Variants in DCLK2 observed in about 807,000 individuals in gnomAD.
The protein encoded by DCLK2 is serine/threonine-protein kinase DCLK2.
In DCLK2, 31 loss-of-function variants were observed where a neutral mutation model predicts 78.4. That is an observed-to-expected ratio of 0.40 (90% CI 0.30 to 0.53). The LOEUF is 0.53. Ranked by LOEUF, DCLK2 falls within the 20% of genes least tolerant of loss-of-function variation. DCLK2 has a pLI of 0.61. For synonymous variants in DCLK2, 407 were observed against 374.9 expected, an observed-to-expected ratio of 1.09 and a Z score of -0.99; for missense variants, 872 against 973.7, an observed-to-expected ratio of 0.90 and a Z score of 1.39.
intron 2 of DCLK2, among the ~76,000 whole-genome samples, chr4:150,151,760 A>G (rs1734911722): frequency 6.6e-6 from 1 of 152,094 alleles, no homozygotes; most frequent in Admixed American, 6.5e-5. Context: ...CCCCGTCTCT[A>G]CTAAAAATAC....
At chr4:150,250,192 A>G (rs752527290) in intron 15 of DCLK2, among the ~76,000 whole-genome samples, 32 of 152,192 alleles carry the variant, frequency 2.1e-4, no homozygotes, top group African/African-American at 7.5e-4. Flanking sequence ...GGAAAAAAAT[A>G]TATATTCATT....
At chr4:150,255,335 C>T (rs1166801394) in intron 15 of DCLK2, among the ~76,000 whole-genome samples, 6 of 152,204 alleles carry the variant, frequency 3.9e-5, no homozygotes, top group Admixed American at 1.3e-4. Flanking sequence ...AAAGCAGGAC[C>T]GGGGTCCCTT....
At chr4:150,121,237 A>G (rs1185428325) in intron 2 of DCLK2, among the ~76,000 whole-genome samples, 2 of 73,688 alleles carry the variant, frequency 2.7e-5, no homozygotes, top group African/African-American at 1.5e-4. Context: ...GTGATATGCT[A>G]TTTGATAGCA....
chr4:150,253,468 T>C (rs1290586612), intron 15 of DCLK2: 1 of 1,289,672 alleles, frequency 7.8e-7, no homozygotes, highest in Admixed American at 2.3e-5. Flanking sequence ...GCATTTTGTT[T>C]GACAGTTTGA....
At chr4:150,205,899 G>C (rs1347788196) in intron 5 of DCLK2, among the ~76,000 whole-genome samples, 2 of 152,172 alleles carry the variant, frequency 1.3e-5, no homozygotes, top group African/African-American at 4.8e-5. Context: ...CCCAGGTGGG[G>C]CTGAGATCCT....
At position 150,079,418 on chromosome 4, in the gene DCLK2, A is replaced by C; in HGVS notation, c.391A>C (p.Lys131Gln). 2 of 1,554,430 alleles carry C rather than the reference A, an allele frequency of 1.3e-6. No individual in the cohort carries two copies. Among genetic ancestry groups the C allele is most frequent in the Non-Finnish European group, 1.7e-6 (2 of 1,145,212 alleles). ...RTIYTIDGSR[K>Q]VTSLDELLEG... ...TATCTACACCATCGACGGCAGCCGG[A>C]AGGTCACCAGCCTGGACGAGCTGCT... is the stretch of plus-strand genomic sequence containing the variant. Residue 131 changes from lysine (K) to glutamine (Q), a missense_variant, in exon 1 of 16, where the codon AAG (lysine) becomes CAG (glutamine). Physicochemically the swap from Lys to Gln is moderately conservative, Grantham distance 53. Coordinates refer to ENST00000296550, the MANE Select transcript of DCLK2 (RefSeq NM_001040260.4).
At chr4:150,214,713 G>A (rs1740552220) in intron 5 of DCLK2, among the ~76,000 whole-genome samples, 2 of 152,150 alleles carry the variant, frequency 1.3e-5, no homozygotes, top group African/African-American at 4.8e-5. Context: ...TGTAAACTCA[G>A]CACTTTGGGA....
chr4:150,190,798 G>T (rs184833913), intron 2 of DCLK2, among the ~76,000 whole-genome samples: 6 of 152,098 alleles, frequency 3.9e-5, no homozygotes, highest in African/African-American at 1.4e-4. Context: ...TGTGGTCTGC[G>T]AATTACAGCT....
At position 150,232,407 on chromosome 4, in the gene DCLK2, A is replaced by G. The variant is rs775948934; in HGVS notation, c.1370A>G (p.Glu457Gly). ...CATCCCAATATCATTATGCTGGTCG[A>G]GGAGATGGAAACAGCAACTGAGCTC... ...VKHPNIIMLV[E>G]EMETATELFL... The change falls in exon 9 of 16, where the codon GAG becomes GGG. Residue 457 changes from glutamate (E) to glycine (G), a missense_variant. Glu to Gly is a moderately conservative substitution (Grantham distance 98). This residue lies in a region of DCLK2 where 567 missense variants were observed against 593.4 expected (regional missense o/e 0.96). Transcript: ENST00000296550. 6.2e-7 allele frequency: 1 copy of G among 1,614,160 alleles called. No homozygotes were observed. The highest frequency in any genetic ancestry group is 8.5e-7 in the Non-Finnish European group (1 of 1,179,996).
intron 5 of DCLK2, among the ~76,000 whole-genome samples, chr4:150,211,112 C>G (rs1345147836): frequency 6.6e-6 from 1 of 152,168 alleles, no homozygotes; most frequent in East Asian, 1.9e-4. Flanking sequence ...AGGTTGCAGT[C>G]AAGACGCGTC....
At chr4:150,103,044 A>G (rs1043776256) in intron 2 of DCLK2, among the ~76,000 whole-genome samples, 2 of 152,192 alleles carry the variant, frequency 1.3e-5, no homozygotes, top group East Asian at 1.9e-4. Context: ...AGAGAAGTCT[A>G]TCATATACTT....
At chr4:150,224,602 C>T in intron 8 of DCLK2, 44 bp downstream of exon 8, 4 of 1,538,966 alleles carry the variant, frequency 2.6e-6, no homozygotes, top group Non-Finnish European at 3.5e-6. Context: ...ACTAGAGTAA[C>T]TTGGTGAGGT....
chr4:150,131,571 A>G (rs1331562897), intron 2 of DCLK2, among the ~76,000 whole-genome samples: 2 of 152,162 alleles, frequency 1.3e-5, no homozygotes, highest in Non-Finnish European at 2.9e-5. Context: ...ATCTTGTAAG[A>G]AAATAATTGG....
chr4:150,254,946 G>T (rs1046303165), intron 15 of DCLK2, among the ~76,000 whole-genome samples: 4 of 152,142 alleles, frequency 2.6e-5, no homozygotes, highest in African/African-American at 7.2e-5. Flanking sequence ...CGGAAGTGCT[G>T]GGATTACAGG....
chr4:150,092,782 T>C (rs972272338), intron 1 of DCLK2, among the ~76,000 whole-genome samples: 3 of 152,158 alleles, frequency 2.0e-5, no homozygotes, highest in Non-Finnish European at 2.9e-5. Flanking sequence ...AAACTAAGTA[T>C]AGAAGGAATT....
intron 2 of DCLK2, among the ~76,000 whole-genome samples, chr4:150,115,543 T>C (rs1038250190): frequency 9.2e-5 from 14 of 152,182 alleles, no homozygotes; most frequent in Admixed American, 3.3e-4. Context: ...GGTTTTTTTT[T>C]CCCTTGAGAA....
Position 150,256,800 on chromosome 4 carries a change from C to A in DCLK2, c.*553C>A, listed in dbSNP as rs1744600639. 6.6e-6 allele frequency: 1 copy of A among 152,414 alleles called. No individual in the cohort carries two copies. The highest frequency in any genetic ancestry group is 1.5e-5 in the Non-Finnish European group (1 of 68,236). 9.4% of individuals were successfully genotyped at this position (152,414 alleles called of 1,614,324 possible). A position where few individuals can be genotyped will look rare whatever the true frequency, so the allele number is the denominator to read the frequency against. ...GCTTTCTAATAGAAGAAGTGAGCGCCTGAGAGGACAATTTGGTCATTGGAC... is the reference window on the plus strand; with the variant it reads ...GCTTTCTAATAGAAGAAGTGAGCGCATGAGAGGACAATTTGGTCATTGGAC... On this transcript the variant is annotated 3_prime_UTR_variant, in exon 16 of 16. Coordinates refer to ENST00000296550, the MANE Select transcript of DCLK2 (RefSeq NM_001040260.4).
chr4:150,144,566 T>G (rs909335421), intron 2 of DCLK2, among the ~76,000 whole-genome samples: 1 of 151,588 alleles, frequency 6.6e-6, no homozygotes, highest in Non-Finnish European at 1.5e-5. Context: ...GATTGGGGGG[T>G]TTTTGGGCTC....
intron 2 of DCLK2, among the ~76,000 whole-genome samples, chr4:150,157,235 T>TA (rs543002694): frequency 2.4e-4 from 37 of 151,716 alleles, no homozygotes; most frequent in South Asian, 2.1e-3. Context: ...TATTTATTAC[T>TA]AAAAATCTTT....
Sources: allele counts gnomAD v4.1 joint callset (sites outside exome capture counted in the v4.1 genomes callset), GRCh38; gene constraint gnomAD v4.1.1; regional missense constraint gnomAD v4.1.1; transcripts MANE v1.5; gene names NCBI Gene and HGNC (gene_info 2026-07-23, HGNC 2026-07-21).